The following DSG4 variants were observed in gnomAD, a reference collection of about 807,000 sequenced individuals.
The protein encoded by DSG4 is desmoglein-4.
Under a neutral mutation model 93.1 loss-of-function variants are expected in DSG4, and 87 were observed. The ratio of observed to expected loss-of-function variants is 0.93; its 90% CI spans 0.79 to 1.12. The LOEUF (loss-of-function observed/expected upper bound fraction) is 1.12. Ranked by LOEUF, DSG4 falls within the 50% of genes most tolerant of loss-of-function variation. The probability of loss-of-function intolerance (pLI) is 0.00; values close to 1 mark genes in which losing one functional copy is unlikely to be tolerated. For synonymous variants in DSG4, 432 were observed against 452.9 expected (o/e 0.95, Z 0.59); for missense variants, 1,373 against 1,285.7 (o/e 1.07, Z -1.04).
chr18:31,390,548 C>T (rs980254409), intron 5 of DSG4, 108 bp from the exon 6 acceptor site: 1 of 1,319,980 alleles, frequency 7.6e-7, no homozygotes, highest in South Asian at 1.2e-5. Flanking sequence ...AAAACTCAAA[C>T]AGAGAGAATT....
At chr18:31,400,805 C>A in intron 9 of DSG4, 76 bp from the exon 10 acceptor site, 1 of 1,489,826 alleles carries the variant, frequency 6.7e-7, no homozygotes, top group Non-Finnish European at 9.3e-7. Context: ...AAGTTTGCCA[C>A]ATTGTAGCTG....
At chr18:31,384,570 T>A (rs901160900) in intron 1 of DSG4, among the ~76,000 whole-genome samples, 7 of 152,086 alleles carry the variant, frequency 4.6e-5, no homozygotes, top group African/African-American at 1.7e-4. Context: ...TAAAATAAAT[T>A]CCAACTGACA....
intron 14 of DSG4, 148 bp from the exon 15 acceptor site, chr18:31,411,083 G>T: frequency 1.9e-6 from 3 of 1,561,170 alleles, no homozygotes; most frequent in Non-Finnish European, 2.6e-6. Context: ...GAGATGTATC[G>T]GTGTAACTTG....
At chr18:31,398,311 A>C (rs562020474) in intron 8 of DSG4, among the ~76,000 whole-genome samples, 75 of 152,310 alleles carry the variant, frequency 4.9e-4, no homozygotes, top group Non-Finnish European at 9.8e-4. Context: ...CAAGCACGGC[A>C]TGCTGAGCCA....
At position 31,399,961 on chromosome 18, in the gene DSG4, C is replaced by T. The variant is rs1448719452; in HGVS notation, c.1277+418C>T. Among the ~76,000 whole-genome samples the T allele has an allele frequency of 4.6e-5, 7 of 152,080 alleles. No homozygotes were observed. The East Asian group carries it at 9.7e-4, about 21-fold the overall frequency. On this transcript the variant is annotated intron_variant, in intron 9 of 15. Coordinates refer to ENST00000308128, the MANE Select transcript of DSG4 (RefSeq NM_177986.5). ...CTTAGAGACTAATTTCAATCCTCTGCTTAATCTAAGAGAAAAACCACAATC... is the reference window on the plus strand; with the variant it reads ...CTTAGAGACTAATTTCAATCCTCTGTTTAATCTAAGAGAAAAACCACAATC...
intron 5 of DSG4, among the ~76,000 whole-genome samples, chr18:31,389,237 G>A (rs897920456): frequency 6.6e-6 from 1 of 152,166 alleles, no homozygotes; most frequent in Non-Finnish European, 1.5e-5. Flanking sequence ...GGTCCCTACA[G>A]GGATTTAGCA....
At chr18:31,378,597 A>G (rs1448818907) in intron 1 of DSG4, among the ~76,000 whole-genome samples, 1 of 152,172 alleles carries the variant, frequency 6.6e-6, no homozygotes, top group African/African-American at 2.4e-5. Context: ...CCTTGGTAAT[A>G]CTAGCGTTTT....
At chr18:31,378,062 C>T (rs531158298) in intron 1 of DSG4, among the ~76,000 whole-genome samples, 54 of 152,236 alleles carry the variant, frequency 3.5e-4, no homozygotes, top group African/African-American at 1.2e-3. Flanking sequence ...AAGAGCAGTG[C>T]GGGAGCCGAA....
In DSG4 at chr18:31,412,810, A is replaced by G. The variant is rs1450360476; in HGVS notation, c.2356-18A>G. ...GGGAAAAAGAAATTTCTAATTCTGT[A>G]TTTCCTTTTAATTTTAGAAAGCGTA... On this transcript the variant is annotated intron_variant, in intron 15 of 15. Coordinates refer to ENST00000308128, the MANE Select transcript of DSG4 (RefSeq NM_177986.5). 3 of 1,613,664 alleles carry G rather than the reference A, an allele frequency of 1.9e-6. No homozygotes were observed. Among genetic ancestry groups the G allele is most frequent in the East Asian group, 2.2e-5 (1 of 44,886 alleles).
At chr18:31,391,374 T>C (rs1164936548) in intron 7 of DSG4, among the ~76,000 whole-genome samples, 162 bp downstream of exon 7, 2 of 152,206 alleles carry the variant, frequency 1.3e-5, no homozygotes, top group African/African-American at 4.8e-5. Context: ...TATACTAATA[T>C]ACCTTCAAAT....
At chr18:31,401,260 G>A (rs753803731) in intron 10 of DSG4, among the ~76,000 whole-genome samples, 4 of 152,090 alleles carry the variant, frequency 2.6e-5, no homozygotes, top group Non-Finnish European at 5.9e-5. Context: ...CAGCATAAAA[G>A]TTAAAATATA....
intron 11 of DSG4, among the ~76,000 whole-genome samples, chr18:31,404,215 C>T (rs191214072): frequency 6.6e-6 from 1 of 151,852 alleles, no homozygotes; most frequent in Non-Finnish European, 1.5e-5. Flanking sequence ...TAATATACAG[C>T]CATTAAAATT....
At position 31,413,631 on chromosome 18, in the gene DSG4, C is replaced by T; in HGVS notation, c.*36C>T. 1 of 1,605,504 alleles carries T rather than the reference C, an allele frequency of 6.2e-7. No homozygotes were observed. Among genetic ancestry groups the T allele is most frequent in the Non-Finnish European group, 8.5e-7 (1 of 1,178,144 alleles). On this transcript the variant is annotated 3_prime_UTR_variant, in exon 16 of 16. Coordinates refer to ENST00000308128, the MANE Select transcript of DSG4 (RefSeq NM_177986.5). ...GTCAGTATTCTATGTGGAGACCTTG[C>T]ACCTTGTAATCATCAATACATCCAC... is the stretch of plus-strand genomic sequence containing the variant.
intron 9 of DSG4, 33 bp from the exon 10 acceptor site, chr18:31,400,848 A>G (rs2072356736): frequency 6.2e-7 from 1 of 1,608,730 alleles, no homozygotes; most frequent in Non-Finnish European, 8.5e-7. Context: ...CTTTCATAAA[A>G]GCATGATAAC....
At position 31,386,778 on chromosome 18, in the gene DSG4, C is replaced by A. The variant is rs1443288474; in HGVS notation, c.175C>A (p.Arg59=). ...REWIKFAAAC[R]EGEDNSKRNP... is the part of the protein sequence containing the mutation. ...GTGGATCAAGTTTGCCGCAGCCTGT[C>A]GAGAAGGAGAGGACAACTCGAAGAG... The change falls in exon 3 of 16, where the codon CGA becomes AGA. Residue 59 remains arginine, a synonymous_variant. Coordinates refer to ENST00000308128, the MANE Select transcript of DSG4 (RefSeq NM_177986.5). The A allele has an allele frequency of 8.7e-6, 14 of 1,613,240 alleles. No homozygotes were observed. Among genetic ancestry groups the A allele is most frequent in the Non-Finnish European group, 1.2e-5 (14 of 1,179,468 alleles).
At chr18:31,404,605 A>G (rs899743323) in intron 11 of DSG4, among the ~76,000 whole-genome samples, 2 of 152,188 alleles carry the variant, frequency 1.3e-5, no homozygotes, top group Non-Finnish European at 2.9e-5. Flanking sequence ...AAGCCCCTCT[A>G]TTTACAGAAT....
chr18:31,384,142 A>G (rs2072163577), intron 1 of DSG4, among the ~76,000 whole-genome samples: 1 of 152,192 alleles, frequency 6.6e-6, no homozygotes, highest in Non-Finnish European at 1.5e-5. Flanking sequence ...AGCTTGTTTA[A>G]TTCTAATAAT....
chr18:31,399,673 A>C, intron 9 of DSG4, 130 bp downstream of exon 9: 1 of 1,200,688 alleles, frequency 8.3e-7, no homozygotes, highest in African/African-American at 1.5e-5. Context: ...GATTTAAAAG[A>C]CTATTAGAGC....
At chr18:31,388,263 C>A in intron 3 of DSG4, 104 bp from the exon 4 acceptor site, 1 of 1,349,490 alleles carries the variant, frequency 7.4e-7, no homozygotes, top group Non-Finnish European at 1.0e-6. Context: ...AGGTTTCAAT[C>A]CAAAGCCCAT....
Sources: allele counts gnomAD v4.1 joint callset (sites outside exome capture counted in the v4.1 genomes callset), GRCh38; gene constraint gnomAD v4.1.1; transcripts MANE v1.5; gene names NCBI Gene and HGNC (gene_info 2026-07-23, HGNC 2026-07-21).